KCNIP4: variants seen among roughly 807,000 people sequenced by gnomAD.
KCNIP4 encodes potassium voltage-gated channel interacting protein 4.
A neutral mutation model predicts 34.0 loss-of-function variants in KCNIP4; 12 were observed. The ratio of observed to expected loss-of-function variants is 0.35; its 90% confidence interval spans 0.23 to 0.57. KCNIP4 has a LOEUF of 0.57. Among genes scored for constraint, KCNIP4 ranks in the 20% least tolerant of loss-of-function variants. The probability of loss-of-function intolerance (pLI) is 0.83; values close to 1 mark genes in which losing one functional copy is unlikely to be tolerated. For missense variants in KCNIP4, 238 were observed against 311.7 expected (o/e 0.76, Z 1.78); for synonymous variants, 124 against 102.2 (o/e 1.21, Z -1.29).
chr4:21,314,985 C>G (rs12643751), intron 1 of KCNIP4, among the ~76,000 whole-genome samples: 9,367 of 152,180 alleles, frequency 0.062, 321 homozygotes, highest in Middle Eastern at 0.12. Context: ...TATGGCTGAT[C>G]TTATGATCTA....
At chr4:21,251,140 T>C (rs1003296639) in intron 1 of KCNIP4, among the ~76,000 whole-genome samples, 1 of 152,050 alleles carries the variant, frequency 6.6e-6, no homozygotes, top group Non-Finnish European at 1.5e-5. Flanking sequence ...TGGAGTGCCA[T>C]GTAACTAGTA....
intron 1 of KCNIP4, among the ~76,000 whole-genome samples, chr4:21,926,776 T>A (rs942542255): frequency 3.9e-5 from 6 of 152,218 alleles, no homozygotes; most frequent in African/African-American, 1.2e-4. Flanking sequence ...AAAACATTTA[T>A]CCTTAAGAAA....
At chr4:21,822,782 A>T (rs1222058707) in intron 1 of KCNIP4, among the ~76,000 whole-genome samples, 1 of 150,782 alleles carries the variant, frequency 6.6e-6, no homozygotes, top group Non-Finnish European at 1.5e-5. Context: ...CGGTGGCGCA[A>T]TCTTGGCTCA....
At chr4:21,100,972 T>C (rs1747883648) in intron 1 of KCNIP4, among the ~76,000 whole-genome samples, 1 of 152,194 alleles carries the variant, frequency 6.6e-6, no homozygotes, top group African/African-American at 2.4e-5. Context: ...AAAACCTTCT[T>C]AAAATTTTAT....
chr4:21,000,549 G>A lies in KCNIP4; in HGVS notation c.62-117840C>T, dbSNP rs141193581. Among the ~76,000 whole-genome samples, 8 of 152,222 alleles carry A rather than the reference G, an allele frequency of 5.3e-5. No individual in the cohort carries two copies. In the South Asian group the frequency reaches 1.0e-3, roughly 20 times the overall value. ...AAAATACAAAAATTAGCCAGGTGTGGTGGTGCATGCCTGTAATCCCAGCTA... is the reference window on the plus strand; with the variant it reads ...AAAATACAAAAATTAGCCAGGTGTGATGGTGCATGCCTGTAATCCCAGCTA... On this transcript the variant is annotated intron_variant, in intron 1 of 8. Coordinates refer to ENST00000382152, the MANE Select transcript of KCNIP4 (RefSeq NM_025221.6).
intron 1 of KCNIP4, among the ~76,000 whole-genome samples, chr4:21,595,767 A>G (rs1742598518): frequency 6.6e-6 from 1 of 152,088 alleles, no homozygotes; most frequent in African/African-American, 2.4e-5. Flanking sequence ...GTCATTAGAG[A>G]ATTGCAATTA....
chr4:20,878,779 G>A (rs1724354247), intron 2 of KCNIP4, among the ~76,000 whole-genome samples: 1 of 152,148 alleles, frequency 6.6e-6, no homozygotes, highest in South Asian at 2.1e-4. Flanking sequence ...ACACATGCCA[G>A]GATGATGCTA....
At position 21,155,881 on chromosome 4, in the gene KCNIP4, C is replaced by T. The variant is rs16870494; in HGVS notation, c.62-273172G>A. On this transcript the variant is annotated intron_variant, in intron 1 of 8. Coordinates refer to ENST00000382152, the MANE Select transcript of KCNIP4 (RefSeq NM_025221.6). ...CTTATAATGTTTATAACTATTTTTG[C>T]TCCCTTGCTTATCTATCTATTATTT... is the stretch of plus-strand genomic sequence containing the variant. Among the ~76,000 whole-genome samples the T allele has an allele frequency of 4.7e-3, 708 of 152,108 alleles. 2 individuals carry two copies. The highest frequency in any genetic ancestry group is 0.015 in the African/African-American group (612 of 41,556).
intron 1 of KCNIP4, among the ~76,000 whole-genome samples, chr4:21,633,160 T>C (rs73254388): frequency 0.05 from 7,635 of 152,282 alleles, 260 homozygotes; most frequent in Middle Eastern, 0.082. Context: ...CCCATTTACA[T>C]AGAAGGAAAC....
chr4:21,858,690 C>T (rs1724894965), intron 1 of KCNIP4, among the ~76,000 whole-genome samples: 2 of 152,318 alleles, frequency 1.3e-5, no homozygotes, highest in South Asian at 2.1e-4. Context: ...AGGTAACTTG[C>T]CATCACTCCT....
chr4:21,063,641 T>C (rs1392611464), intron 1 of KCNIP4, among the ~76,000 whole-genome samples: 1 of 152,154 alleles, frequency 6.6e-6, no homozygotes, highest in Non-Finnish European at 1.5e-5. Flanking sequence ...AAGTTGCTTA[T>C]ATCACACCAG....
intron 1 of KCNIP4, among the ~76,000 whole-genome samples, chr4:20,988,955 C>T (rs1236697535): frequency 6.6e-6 from 1 of 152,212 alleles, no homozygotes; most frequent in African/African-American, 2.4e-5. Context: ...AGAAACCTTA[C>T]AAATAAGCCT....
chr4:20,788,352 A>G (rs1269800087), intron 3 of KCNIP4, among the ~76,000 whole-genome samples: 3 of 152,206 alleles, frequency 2.0e-5, no homozygotes, highest in Admixed American at 1.3e-4. Context: ...TCCAGGACAT[A>G]TAACAGTTGC....
intron 1 of KCNIP4, chr4:21,316,628 A>G (rs1020181022): frequency 2.0e-5 from 3 of 152,154 alleles, no homozygotes; most frequent in African/African-American, 4.8e-5. Context: ...GGTTGGCACT[A>G]ATGTGTGAAG....
chr4:20,996,409 A>G (rs1269715745), intron 1 of KCNIP4, among the ~76,000 whole-genome samples: 2 of 152,208 alleles, frequency 1.3e-5, no homozygotes, highest in African/African-American at 2.4e-5. Context: ...TTGGATCTCA[A>G]TTCAGACCAA....
chr4:21,242,681 C>T (rs1759923242), intron 1 of KCNIP4, among the ~76,000 whole-genome samples: 1 of 152,070 alleles, frequency 6.6e-6, no homozygotes, highest in Admixed American at 6.6e-5. Context: ...GGAAATTGTT[C>T]TTTCACTGAC....
At chr4:21,258,724 T>C (rs1177326246) in intron 1 of KCNIP4, among the ~76,000 whole-genome samples, 3 of 152,142 alleles carry the variant, frequency 2.0e-5, no homozygotes, top group Admixed American at 6.5e-5. Context: ...CTTGCCAATG[T>C]TATCTGTCTC....
At chr4:21,334,756 A>G (rs1290926507) in intron 1 of KCNIP4, among the ~76,000 whole-genome samples, 1 of 151,818 alleles carries the variant, frequency 6.6e-6, no homozygotes, top group Non-Finnish European at 1.5e-5. Flanking sequence ...TATAAAATGT[A>G]TTATACAGTA....
At chr4:21,235,830 T>G (rs1324148273) in intron 1 of KCNIP4, among the ~76,000 whole-genome samples, 1 of 152,154 alleles carries the variant, frequency 6.6e-6, no homozygotes, top group South Asian at 2.1e-4. Flanking sequence ...GTGAGGCATA[T>G]CCATTATCCT....
Sources: allele counts gnomAD v4.1 joint callset (sites outside exome capture counted in the v4.1 genomes callset), GRCh38; gene constraint gnomAD v4.1.1; transcripts MANE v1.5; gene names NCBI Gene and HGNC (gene_info 2026-07-23, HGNC 2026-07-21).